SOX6: variants seen among roughly 807,000 people sequenced by gnomAD.
SOX6 encodes SRY-box transcription factor 6.
Under a neutral mutation model 97.8 loss-of-function variants are expected in SOX6, and 11 were observed. That is an observed-to-expected ratio of 0.11 (90% CI 0.07 to 0.19). SOX6 has a LOEUF of 0.19. Among genes scored for constraint, SOX6 ranks in the 10% least tolerant of loss-of-function variants. The pLI is 1.00. For synonymous variants in SOX6, 360 were observed against 371.4 expected, an observed-to-expected ratio of 0.97 and a Z score of 0.35; for missense variants, 810 against 1,039.5, an observed-to-expected ratio of 0.78 and a Z score of 3.04.
At chr11:16,248,664 G>A (rs1853412942) in intron 3 of SOX6, among the ~76,000 whole-genome samples, 1 of 152,202 alleles carries the variant, frequency 6.6e-6, no homozygotes, top group Non-Finnish European at 1.5e-5. Flanking sequence ...ATATCCCAAA[G>A]CTACACAGTG....
At chr11:16,721,565 T>TCCCC (rs1564877360) in intron 2 of SOX6, among the ~76,000 whole-genome samples, 1 of 6,054 alleles carries the variant, frequency 1.7e-4, no homozygotes, top group Non-Finnish European at 2.9e-4. Context: ...CCCCCCTCCC[T>TCCCC]CCCTCCCTCC....
intron 4 of SOX6, among the ~76,000 whole-genome samples, chr11:16,542,294 T>C (rs186774533): frequency 6.6e-6 from 1 of 152,078 alleles, no homozygotes; most frequent in East Asian, 1.9e-4. Context: ...GCAGGGAACA[T>C]CACACACTGG....
At chr11:16,240,770 A>G (rs1490840767) in intron 3 of SOX6, among the ~76,000 whole-genome samples, 1 of 152,052 alleles carries the variant, frequency 6.6e-6, no homozygotes, top group Non-Finnish European at 1.5e-5. Flanking sequence ...ATGATCATAA[A>G]GACCAATACC....
At chr11:16,402,523 T>C (rs1411846585) in intron 1 of SOX6, 5 of 841,942 alleles carry the variant, frequency 5.9e-6, no homozygotes, top group Non-Finnish European at 8.0e-6. Context: ...TCCCAGAGAT[T>C]TGATGGCCCA....
At chr11:16,464,785 G>T (rs551531484) in intron 1 of SOX6, among the ~76,000 whole-genome samples, 1 of 152,024 alleles carries the variant, frequency 6.6e-6, no homozygotes, top group East Asian at 1.9e-4. Context: ...AAGCAAAATT[G>T]TTCTCATTGG....
chr11:16,482,630 A>C (rs1860362719), intron 4 of SOX6, among the ~76,000 whole-genome samples: 1 of 152,190 alleles, frequency 6.6e-6, no homozygotes, highest in Admixed American at 6.5e-5. Flanking sequence ...TTTAAGTCTA[A>C]ATAACCATTG....
intron 4 of SOX6, among the ~76,000 whole-genome samples, chr11:16,207,205 G>C (rs1852095258): frequency 6.6e-6 from 1 of 152,052 alleles, no homozygotes; most frequent in Non-Finnish European, 1.5e-5. Flanking sequence ...TTAAAAGTGA[G>C]AAATTAAGAA....
chr11:16,149,159 CCAAA>C (rs2134053287), intron 6 of SOX6, among the ~76,000 whole-genome samples: 1 of 152,112 alleles, frequency 6.6e-6, no homozygotes, highest in East Asian at 1.9e-4. Flanking sequence ...TCATTTCAGC[CCAAA>C]CACATTTTTT....
At chr11:16,383,964 C>G (rs1857903206) in intron 1 of SOX6, among the ~76,000 whole-genome samples, 1 of 151,870 alleles carries the variant, frequency 6.6e-6, no homozygotes, top group Non-Finnish European at 1.5e-5. Flanking sequence ...ATTTGGAGAC[C>G]ACTCAATGTA....
intron 6 of SOX6, among the ~76,000 whole-genome samples, chr11:16,116,322 A>G (rs1013581196): frequency 2.6e-5 from 4 of 152,176 alleles, no homozygotes; most frequent in Admixed American, 6.5e-5. Flanking sequence ...ACTAACTACT[A>G]CTATACTTAT....
chr11:16,045,140 T>A (rs1301773172), intron 12 of SOX6, among the ~76,000 whole-genome samples: 3 of 152,188 alleles, frequency 2.0e-5, no homozygotes, highest in African/African-American at 7.2e-5. Context: ...ATCTGTAGAA[T>A]TTGAAGTTAA....
rs11448266 is a variant in SOX6, at chr11:16,444,011, CAAAAA to C, written c.-5+32299_-5+32303del. 5.7e-3 allele frequency among the ~76,000 whole-genome samples: 655 copies of C among 115,438 alleles called. 6 individuals are homozygous for C. Among genetic ancestry groups the C allele is most frequent in the African/African-American group, 0.023 (634 of 27,656 alleles). The allele number at this position is 115,438 out of a possible 152,430, so 75.7% of individuals were successfully genotyped here. Reference sequence around the variant, plus strand: ...CTGGCAACAGAGCGAGACTCTGTCTCAAAAAAAAAAAAAAAAAAAATTGCCCCGAC... The same window carrying C: ...CTGGCAACAGAGCGAGACTCTGTCTCAAAAAAAAAAAAAAATTGCCCCGAC... On this transcript the variant is annotated intron_variant, in intron 1 of 15. Transcript: ENST00000396356.
intron 1 of SOX6, among the ~76,000 whole-genome samples, chr11:16,453,265 A>T (rs1009859714): frequency 1.3e-5 from 2 of 152,090 alleles, no homozygotes; most frequent in African/African-American, 4.8e-5. Context: ...GACTGTTATT[A>T]TTTTAGGCTA....
chr11:16,588,182 C>A lies in SOX6; in HGVS notation n.609+23899G>T, dbSNP rs926151885. Among the ~76,000 whole-genome samples, 3 of 152,174 alleles carry A rather than the reference C, an allele frequency of 2.0e-5. No individual in the cohort carries two copies. In the East Asian group the frequency reaches 5.8e-4, roughly 29 times the overall value. Reference sequence around the variant, plus strand: ...TTGTCACTTTAGAAGGCACAGTGGACATGGTGCTTGAAAGTTCTATATAAA... The same window carrying A: ...TTGTCACTTTAGAAGGCACAGTGGAAATGGTGCTTGAAAGTTCTATATAAA... On this transcript the variant is annotated intron_variant and non_coding_transcript_variant, in intron 4 of 5. Coordinates refer to the SOX6 transcript ENST00000524520.
At chr11:16,717,109 A>T (rs924895240) in intron 2 of SOX6, among the ~76,000 whole-genome samples, 4 of 152,198 alleles carry the variant, frequency 2.6e-5, no homozygotes, top group African/African-American at 9.6e-5. Flanking sequence ...TTTGTTTTAT[A>T]TTATGAATTA....
At chr11:16,279,050 G>A (rs1296026136) in intron 3 of SOX6, among the ~76,000 whole-genome samples, 3 of 152,000 alleles carry the variant, frequency 2.0e-5, no homozygotes, top group Non-Finnish European at 4.4e-5. Flanking sequence ...TAGAATTTCT[G>A]TCTACAACGA....
chr11:16,049,124 G>T (rs1373350874), intron 11 of SOX6, among the ~76,000 whole-genome samples: 1 of 151,990 alleles, frequency 6.6e-6, no homozygotes, highest in East Asian at 1.9e-4. Flanking sequence ...CTTTCTTGGG[G>T]TCACATAGCT....
At chr11:16,318,180 G>T in intron 3 of SOX6, 1 of 478,522 alleles carries the variant, frequency 2.1e-6, no homozygotes, top group East Asian at 4.2e-5. Context: ...TTTTTCCAGA[G>T]TAGGATTATG....
intron 9 of SOX6, among the ~76,000 whole-genome samples, chr11:16,085,143 A>G (rs527349453): frequency 6.6e-6 from 1 of 152,030 alleles, no homozygotes; most frequent in South Asian, 2.1e-4. Context: ...CCTGGAACAA[A>G]CCCCTATTTG....
Sources: gnomAD v4.1 joint callset for allele counts (sites outside exome capture counted in the v4.1 genomes callset) on GRCh38, gnomAD v4.1.1 for gene constraint, MANE v1.5 for transcripts, NCBI Gene and HGNC (gene_info 2026-07-23, HGNC 2026-07-21) for gene names.